INTS4: variants seen among roughly 807,000 people sequenced by gnomAD.
INTS4 encodes the protein MSTP093.
In INTS4, 70 loss-of-function variants were observed where a neutral mutation model predicts 119.5. The ratio of observed to expected loss-of-function variants is 0.59; its 90% CI spans 0.48 to 0.71. The LOEUF is 0.71. Among genes scored for constraint, INTS4 ranks in the 30% least tolerant of loss-of-function variants. The probability of loss-of-function intolerance (pLI) is 0.00; values close to 1 mark genes in which losing one functional copy is unlikely to be tolerated. For missense variants in INTS4, 867 were observed against 1,173.2 expected, an observed-to-expected ratio of 0.74 and a Z score of 3.81; for synonymous variants, 316 against 419.6, an observed-to-expected ratio of 0.75 and a Z score of 3.02.
chr11:77,895,757 G>T (rs2136414676), intron 18 of INTS4, among the ~76,000 whole-genome samples: 1 of 152,074 alleles, frequency 6.6e-6, no homozygotes, highest in South Asian at 2.1e-4. Context: ...GAATCATCTT[G>T]GAGAGACTCC....
chr11:77,950,843 G>A (rs999526419), intron 8 of INTS4, among the ~76,000 whole-genome samples: 1 of 151,610 alleles, frequency 6.6e-6, no homozygotes, highest in Non-Finnish European at 1.5e-5. Flanking sequence ...TTTAACATTA[G>A]GTATATCTCC....
At chr11:77,926,886 T>C (rs1284330218) in intron 11 of INTS4, among the ~76,000 whole-genome samples, 2 of 151,244 alleles carry the variant, frequency 1.3e-5, no homozygotes, top group African/African-American at 2.4e-5. Context: ...TCAAGACACC[T>C]TGAGGAGCTC....
At chr11:77,954,569 G>A (rs990401896) in intron 8 of INTS4, among the ~76,000 whole-genome samples, 1 of 152,214 alleles carries the variant, frequency 6.6e-6, no homozygotes, top group Admixed American at 6.5e-5. Flanking sequence ...TCCGGGTTCA[G>A]TTTCATGGAA....
chr11:77,892,985 C>T (rs1173291579), intron 19 of INTS4, among the ~76,000 whole-genome samples: 4 of 152,214 alleles, frequency 2.6e-5, no homozygotes, highest in Non-Finnish European at 4.4e-5. Context: ...AAGAAGCTAT[C>T]ATCACCCCAG....
intron 2 of INTS4, chr11:77,987,487 A>C: frequency 6.3e-6 from 2 of 316,042 alleles, no homozygotes; most frequent in South Asian, 4.7e-5. Flanking sequence ...ACAGATCTTT[A>C]ATATAATAAT....
intron 10 of INTS4, among the ~76,000 whole-genome samples, chr11:77,932,854 A>C (rs1953686744): frequency 6.6e-6 from 1 of 151,704 alleles, no homozygotes; most frequent in Non-Finnish European, 1.5e-5. Context: ...CTAGCACAAG[A>C]ACAGAAAACC....
chr11:77,993,227 A>G (rs1856769231), intron 1 of INTS4, among the ~76,000 whole-genome samples: 1 of 152,218 alleles, frequency 6.6e-6, no homozygotes, highest in South Asian at 2.1e-4. Flanking sequence ...AGATAGGTAC[A>G]CCGGTAATGA....
chr11:77,972,209 C>T (rs1855760010), intron 4 of INTS4, among the ~76,000 whole-genome samples: 1 of 152,158 alleles, frequency 6.6e-6, no homozygotes, highest in African/African-American at 2.4e-5. Flanking sequence ...AGCAATCCTC[C>T]CATCTCAGCC....
intron 15 of INTS4, among the ~76,000 whole-genome samples, chr11:77,909,639 A>G (rs1294783312): frequency 6.6e-6 from 1 of 152,252 alleles, no homozygotes; most frequent in Admixed American, 6.5e-5. Flanking sequence ...AGCAGGAAAT[A>G]AATAGCCATT....
At chr11:77,971,290 C>T (rs1565282065) in intron 4 of INTS4, among the ~76,000 whole-genome samples, 1 of 152,094 alleles carries the variant, frequency 6.6e-6, no homozygotes, top group East Asian at 1.9e-4. Flanking sequence ...CCTCCTCTGT[C>T]ATGTTTTTAA....
rs1954438220 is a variant in INTS4, at chr11:77,960,395, G to T, written c.658-4C>A. 1 of 1,570,644 alleles carries T rather than the reference G, an allele frequency of 6.4e-7. No homozygotes were observed. Among genetic ancestry groups the T allele is most frequent in the Non-Finnish European group, 8.7e-7 (1 of 1,142,928 alleles). On this transcript the variant is annotated splice_polypyrimidine_tract_variant and splice_region_variant and intron_variant, in intron 5 of 22. Coordinates refer to ENST00000534064, the MANE Select transcript of INTS4 (RefSeq NM_033547.4). ...GTCCTCTTTCATGGAGCTGCAACTAGATAATAAATATATAGTTTAAGTGCT... is the reference window on the plus strand; with the variant it reads ...GTCCTCTTTCATGGAGCTGCAACTATATAATAAATATATAGTTTAAGTGCT...
intron 7 of INTS4, among the ~76,000 whole-genome samples, chr11:77,957,098 C>A (rs1204388632): frequency 6.6e-6 from 1 of 152,066 alleles, no homozygotes; most frequent in Non-Finnish European, 1.5e-5. Context: ...CCACACCCAG[C>A]TAATTTTTTA....
Position 77,958,830 on chromosome 11 carries a change from C to A in INTS4, c.713G>T (p.Cys238Phe), listed in dbSNP as rs1289927505. The change falls in exon 7 of 23, where the codon TGT becomes TTT. Residue 238 changes from cysteine to phenylalanine, a missense_variant. Transcript: ENST00000534064. ...KLHQTIYNQA[C>F]KLLSDDYEQV... ...TTCATAGTCATCAGAGAGTAATTTA[C>A]AGGCCTGCAAAGAAGAATTCCAAAA... 6.3e-7 allele frequency: 1 copy of A among 1,593,742 alleles called. No individual in the cohort carries two copies. The highest frequency in any genetic ancestry group is 1.3e-5 in the African/African-American group (1 of 74,480).
chr11:77,978,297 T>C (rs914618482), intron 4 of INTS4: 1 of 152,190 alleles, frequency 6.6e-6, no homozygotes, highest in African/African-American at 2.4e-5. Context: ...TGAGATAGCT[T>C]TCTAATTTCA....
In INTS4 at chr11:77,982,371, C is replaced by T. The variant is rs553772949; in HGVS notation, c.247-795G>A. On this transcript the variant is annotated intron_variant, in intron 2 of 22. Coordinates refer to ENST00000534064, the MANE Select transcript of INTS4 (RefSeq NM_033547.4). The stretch of plus-strand genomic sequence containing the variant: ...CAAGTTGGTCTCAAACTCCTGAGCT[C>T]AAGCAATCCTCCTGCCTTGGCTTCC... Among the ~76,000 whole-genome samples the T allele has an allele frequency of 5.1e-4, 77 of 152,164 alleles. 2 individuals carry two copies. In the South Asian group the frequency reaches 0.016, roughly 31 times the overall value.
intron 16 of INTS4, among the ~76,000 whole-genome samples, chr11:77,907,231 C>T (rs1309439163): frequency 6.6e-6 from 1 of 152,116 alleles, no homozygotes; most frequent in Non-Finnish European, 1.5e-5. Flanking sequence ...TGCACCACCA[C>T]ACCTGCCTAC....
chr11:77,992,427 G>A (rs1284528204), intron 1 of INTS4, among the ~76,000 whole-genome samples: 1 of 151,674 alleles, frequency 6.6e-6, no homozygotes, highest in Non-Finnish European at 1.5e-5. Context: ...TCCGATGGGC[G>A]TAGTGGCTTA....
intron 4 of INTS4, chr11:77,978,117 C>A (rs1274437127): frequency 1.3e-5 from 2 of 152,056 alleles, no homozygotes; most frequent in African/African-American, 2.4e-5. Context: ...GTTTCAAACT[C>A]CTGATGTCAA....
At chr11:77,958,405 T>C (rs567755292) in intron 7 of INTS4, among the ~76,000 whole-genome samples, 2 of 152,376 alleles carry the variant, frequency 1.3e-5, no homozygotes, top group African/African-American at 4.8e-5. Flanking sequence ...ATCTGGCATT[T>C]GGCACAAGCC....
Sources: gnomAD v4.1 joint callset for allele counts (sites outside exome capture counted in the v4.1 genomes callset) on GRCh38, gnomAD v4.1.1 for gene constraint, MANE v1.5 for transcripts, NCBI Gene and HGNC (gene_info 2026-07-23, HGNC 2026-07-21) for gene names.